The following FER1L6 variants were observed in gnomAD, a reference collection of about 807,000 sequenced individuals.
FER1L6 encodes fer-1 like family member 6.
In FER1L6, 177 loss-of-function variants were observed where a neutral mutation model predicts 219.2. The observed-to-expected ratio is 0.81, with a 90% CI of 0.71 to 0.91. FER1L6 has a LOEUF of 0.91. Ranked by LOEUF, FER1L6 falls within the 40% of genes least tolerant of loss-of-function variation. FER1L6 has a pLI of 0.00. For missense variants in FER1L6, 2,153 were observed against 2,259.9 expected (o/e 0.95, Z 0.96); for synonymous variants, 768 against 824.3 (o/e 0.93, Z 1.17).
intron 32 of FER1L6, among the ~76,000 whole-genome samples, chr8:124,081,226 T>C (rs979440900): frequency 2.0e-5 from 3 of 152,212 alleles, no homozygotes; most frequent in Non-Finnish European, 4.4e-5. Flanking sequence ...AGCTGGAGAA[T>C]ACTGCTGTGT....
chr8:124,064,196 C>T (rs932864695), intron 25 of FER1L6, 151 bp from the exon 26 acceptor site: 1 of 712,014 alleles, frequency 1.4e-6, no homozygotes, highest in Non-Finnish European at 2.4e-6. Flanking sequence ...GGTATTTTTA[C>T]TGTCATTTTA....
At chr8:124,045,383 A>G (rs1819681056) in intron 20 of FER1L6, among the ~76,000 whole-genome samples, 1 of 152,336 alleles carries the variant, frequency 6.6e-6, no homozygotes, top group African/African-American at 2.4e-5. Flanking sequence ...CCTACCTCCC[A>G]GAATTATTGT....
rs771228625 is a variant in FER1L6 at position 123,998,377 on chromosome 8, T to TCTCC, written c.1520-4787_1520-4786insCCTC. Among the ~76,000 whole-genome samples the TCTCC allele has an allele frequency of 6.9e-5, 6 of 86,364 alleles. No homozygotes were observed. In the South Asian group the frequency reaches 2.4e-3, roughly 34 times the overall value. The allele number at this position is 86,364 out of a possible 152,430, so 56.7% of individuals were successfully genotyped here. A position where few individuals can be genotyped will look rare whatever the true frequency, so the allele number is the denominator to read the frequency against. ...GTTTCCCTCAAAAAGAGGGAAACTC[T>TCTCC]CTCTCTCTCTCTCTCTCTCTCTCTC... On this transcript the variant is annotated intron_variant, in intron 12 of 40. Coordinates refer to ENST00000522917, the MANE Select transcript of FER1L6 (RefSeq NM_001039112.2).
intron 22 of FER1L6, among the ~76,000 whole-genome samples, chr8:124,054,497 G>A (rs371182024): frequency 6.6e-6 from 1 of 151,968 alleles, no homozygotes; most frequent in African/African-American, 2.4e-5. Flanking sequence ...ATTTTTTCAC[G>A]ATAAGTGTTA....
chr8:124,080,432 C>CT (rs901354292), intron 32 of FER1L6, among the ~76,000 whole-genome samples: 90 of 152,244 alleles, frequency 5.9e-4, no homozygotes, highest in African/African-American at 2.1e-3. Context: ...GTTCTCCTGC[C>CT]TCAGCCTCCC....
chr8:123,957,713 C>T (rs1031772255), intron 2 of FER1L6, among the ~76,000 whole-genome samples: 1 of 152,168 alleles, frequency 6.6e-6, no homozygotes, highest in African/African-American at 2.4e-5. Flanking sequence ...TAACAGCCCT[C>T]CCTGAGAAGC....
chr8:124,079,790 G>A (rs1047050548), intron 32 of FER1L6, among the ~76,000 whole-genome samples: 24 of 152,212 alleles, frequency 1.6e-4, no homozygotes, highest in Non-Finnish European at 8.8e-5. Flanking sequence ...TGTAATCGGA[G>A]AGCTTGACCT....
At chr8:123,877,289 T>G (rs1222519378) in intron 1 of FER1L6, among the ~76,000 whole-genome samples, 1 of 152,242 alleles carries the variant, frequency 6.6e-6, no homozygotes, top group African/African-American at 2.4e-5. Context: ...ACCACCACAG[T>G]TTTATCCAAC....
intron 1 of FER1L6, among the ~76,000 whole-genome samples, chr8:123,915,191 T>C (rs1383135637): frequency 6.6e-6 from 1 of 152,146 alleles, no homozygotes; most frequent in African/African-American, 2.4e-5. Context: ...AAATGAGAGT[T>C]GAGGTCTTTC....
At chr8:124,009,591 G>C (rs1476531114) in intron 13 of FER1L6, among the ~76,000 whole-genome samples, 1 of 151,924 alleles carries the variant, frequency 6.6e-6, no homozygotes, top group Non-Finnish European at 1.5e-5. Flanking sequence ...TGAAACAGAA[G>C]AGCCACACAG....
At chr8:123,873,616 C>T (rs1419595079) in intron 1 of FER1L6, among the ~76,000 whole-genome samples, 1 of 152,166 alleles carries the variant, frequency 6.6e-6, no homozygotes, top group African/African-American at 2.4e-5. Context: ...TTCTCTGTTG[C>T]AACCCTGTGC....
intron 2 of FER1L6, among the ~76,000 whole-genome samples, chr8:123,960,738 C>A (rs1013430884): frequency 6.6e-6 from 1 of 152,046 alleles, no homozygotes; most frequent in African/African-American, 2.4e-5. Context: ...GAAAATCTCC[C>A]TTTAAGGATA....
chr8:124,108,720 T>A (rs1195280329), intron 39 of FER1L6, among the ~76,000 whole-genome samples: 1 of 151,652 alleles, frequency 6.6e-6, no homozygotes, highest in African/African-American at 2.4e-5. Context: ...CTACAAAAAA[T>A]TTTTAAAATT....
chr8:124,096,255 T>TATTAATGTGTCTTTAGAAAATA (rs1433390155), intron 35 of FER1L6, among the ~76,000 whole-genome samples: 1 of 152,218 alleles, frequency 6.6e-6, no homozygotes, highest in Non-Finnish European at 1.5e-5. Context: ...TAAGGATGAA[T>TATTAATGTGTCTTTAGAAAATA]ATTAATGTGT....
At chr8:123,859,629 C>A (rs1185193347) in intron 1 of FER1L6, among the ~76,000 whole-genome samples, 1 of 146,386 alleles carries the variant, frequency 6.8e-6, no homozygotes, top group East Asian at 2.0e-4. Context: ...TATACATGTA[C>A]CATGCTGGTG....
intron 34 of FER1L6, among the ~76,000 whole-genome samples, chr8:124,093,848 G>A (rs891456953): frequency 6.6e-6 from 1 of 151,248 alleles, no homozygotes; most frequent in African/African-American, 2.4e-5. Flanking sequence ...TATATTTATG[G>A]GATAAATAAA....
At chr8:123,957,420 G>A (rs931366389) in intron 2 of FER1L6, among the ~76,000 whole-genome samples, 4 of 152,120 alleles carry the variant, frequency 2.6e-5, no homozygotes, top group Admixed American at 6.5e-5. Context: ...ACTGTGGTAG[G>A]CCCTGTGACA....
chr8:123,854,507 C>A (rs1371349606), intron 1 of FER1L6, among the ~76,000 whole-genome samples: 2 of 152,170 alleles, frequency 1.3e-5, no homozygotes, highest in East Asian at 3.8e-4. Flanking sequence ...GAGTCCATCA[C>A]ACTGTGTTTC....
intron 11 of FER1L6, chr8:123,985,437 G>A (rs1816528786): frequency 6.6e-6 from 1 of 152,246 alleles, no homozygotes; most frequent in Non-Finnish European, 1.5e-5. Context: ...GGGAAGTAAA[G>A]TTTGATTCTG....
Sources: allele counts gnomAD v4.1 joint callset (sites outside exome capture counted in the v4.1 genomes callset), GRCh38; gene constraint gnomAD v4.1.1; transcripts MANE v1.5; gene names NCBI Gene and HGNC (gene_info 2026-07-23, HGNC 2026-07-21).